The following DYM variants were observed in gnomAD, a reference collection of about 807,000 sequenced individuals.
The protein encoded by DYM is dymeclin.
A neutral mutation model predicts 93.1 loss-of-function variants in DYM; 78 were observed. That is an observed-to-expected ratio of 0.84 (90% confidence interval 0.70 to 1.01). The LOEUF (loss-of-function observed/expected upper bound fraction) is 1.01. DYM is among the 50% of genes least tolerant of loss of function. The pLI, the probability that DYM is intolerant of heterozygous loss-of-function variation, is 0.00. For synonymous variants in DYM, 321 were observed against 319.7 expected (o/e 1.00, Z -0.04); for missense variants, 789 against 845.0 (o/e 0.93, Z 0.82).
intron 8 of DYM, among the ~76,000 whole-genome samples, chr18:49,316,585 C>T (rs1166395909): frequency 6.6e-6 from 1 of 152,044 alleles, no homozygotes; most frequent in African/African-American, 2.4e-5. Flanking sequence ...ATAAAAACAA[C>T]GTTTACTGAA....
At chr18:49,301,629 G>A (rs986418440) in intron 8 of DYM, among the ~76,000 whole-genome samples, 43 of 151,846 alleles carry the variant, frequency 2.8e-4, no homozygotes, top group African/African-American at 9.4e-4. Flanking sequence ...TGATCTGAAA[G>A]TATTTATGAA....
intron 10 of DYM, among the ~76,000 whole-genome samples, chr18:49,281,493 C>T (rs865782626): frequency 6.6e-6 from 1 of 152,316 alleles, no homozygotes; most frequent in African/African-American, 2.4e-5. Flanking sequence ...GCTATAAAGA[C>T]ACATGCACAC....
In DYM at chr18:49,073,463, A is replaced by C. The variant is rs114050657; in HGVS notation, c.2025+23939T>G. Among the ~76,000 whole-genome samples the C allele has an allele frequency of 4.3e-3, 642 of 149,792 alleles. 3 individuals are homozygous for C. The highest frequency in any genetic ancestry group is 0.014 in the African/African-American group (584 of 40,574). On this transcript the variant is annotated intron_variant, in intron 17 of 17. Coordinates refer to ENST00000675505, the MANE Select transcript of DYM (RefSeq NM_001353214.3). ...CCACCTCCCCCCACCCCCATAAAAT[A>C]GTCAAATGAACACTTGAAGGCAAGA...
At chr18:49,114,932 T>C (rs1213029089) in intron 16 of DYM, among the ~76,000 whole-genome samples, 1 of 152,234 alleles carries the variant, frequency 6.6e-6, no homozygotes, top group Non-Finnish European at 1.5e-5. Context: ...GATGGTTTCA[T>C]AGGCAACTGT....
chr18:49,164,583 AGAGAG>A (rs2087626939), intron 14 of DYM, among the ~76,000 whole-genome samples: 1 of 152,232 alleles, frequency 6.6e-6, no homozygotes, highest in African/African-American at 2.4e-5. Flanking sequence ...GTGGAATACT[AGAGAG>A]GAGAGAATTT....
intron 1 of DYM, among the ~76,000 whole-genome samples, chr18:49,440,408 A>G (rs1484590445): frequency 8.4e-6 from 1 of 119,054 alleles, no homozygotes; most frequent in Non-Finnish European, 1.6e-5. Context: ...AGCATATTAT[A>G]TATGCTATAT....
intron 17 of DYM, among the ~76,000 whole-genome samples, chr18:49,080,280 C>A (rs201874838): frequency 8.7e-6 from 1 of 115,496 alleles, no homozygotes; most frequent in East Asian, 2.9e-4. Context: ...CCAGTAGGGG[C>A]GGCGGGGCAG....
intron 8 of DYM, among the ~76,000 whole-genome samples, chr18:49,301,934 T>A (rs1339312520): frequency 6.6e-6 from 1 of 152,164 alleles, no homozygotes; most frequent in East Asian, 1.9e-4. Flanking sequence ...TCCTTCCTTC[T>A]CTCTCACAAA....
At chr18:49,075,740 T>C (rs1443604037) in intron 17 of DYM, among the ~76,000 whole-genome samples, 1 of 152,150 alleles carries the variant, frequency 6.6e-6, no homozygotes, top group Admixed American at 6.5e-5. Context: ...AAACAAGGAA[T>C]GGCAGTTTAA....
intron 15 of DYM, among the ~76,000 whole-genome samples, chr18:49,151,931 T>C (rs1276167541): frequency 6.6e-6 from 1 of 152,200 alleles, no homozygotes; most frequent in East Asian, 1.9e-4. Flanking sequence ...GGTGTTTTTA[T>C]ATTAGCTCTA....
At chr18:49,155,654 C>T (rs144167023) in intron 15 of DYM, among the ~76,000 whole-genome samples, 1 of 152,346 alleles carries the variant, frequency 6.6e-6, no homozygotes, top group East Asian at 1.9e-4. Flanking sequence ...TTGTTACTGG[C>T]TCCTTTCACT....
intron 13 of DYM, among the ~76,000 whole-genome samples, chr18:49,242,511 A>G (rs2094042490): frequency 6.6e-6 from 1 of 152,222 alleles, no homozygotes; most frequent in Admixed American, 6.5e-5. Context: ...CCTGAGTAAG[A>G]AAACAAATTA....
Position 49,258,443 on chromosome 18 carries a change from G to T in DYM, c.1302C>A (p.Ser434=). 2 of 1,613,606 alleles carry T rather than the reference G, an allele frequency of 1.2e-6. No individual in the cohort carries two copies. The highest frequency in any genetic ancestry group is 1.7e-6 in the Non-Finnish European group (2 of 1,179,614). ...WYSERVLTEI[S]LGSLLILVVI... is the part of the protein sequence containing the mutation. The stretch of plus-strand genomic sequence containing the variant: ...CCACCAGGATCAGGAGACTCCCCAA[G>T]GAGATTTCAGTTAAAACTCGTTCTG... Residue 434 remains serine, a synonymous_variant, in exon 12 of 18, where the codon TCC becomes TCA. Coordinates refer to ENST00000675505, the MANE Select transcript of DYM (RefSeq NM_001353214.3).
At chr18:49,239,028 C>G (rs1325384199) in intron 13 of DYM, among the ~76,000 whole-genome samples, 1 of 152,168 alleles carries the variant, frequency 6.6e-6, no homozygotes, top group Non-Finnish European at 1.5e-5. Context: ...TTTTCTCAGA[C>G]TAAAGACAAG....
chr18:49,167,289 G>C (rs1363796155), intron 14 of DYM, among the ~76,000 whole-genome samples: 1 of 151,972 alleles, frequency 6.6e-6, no homozygotes, highest in Non-Finnish European at 1.5e-5. Flanking sequence ...GAGATATTTT[G>C]GTTGAGCATA....
At chr18:49,235,644 G>C (rs1903019923) in intron 13 of DYM, among the ~76,000 whole-genome samples, 1 of 151,850 alleles carries the variant, frequency 6.6e-6, no homozygotes, top group South Asian at 2.1e-4. Flanking sequence ...TCAGTGTCTA[G>C]ACCAGTCAGG....
intron 14 of DYM, chr18:49,206,016 T>TTTTTTTTTTTCGGAG (rs2092479156): frequency 4.8e-6 from 1 of 206,742 alleles, no homozygotes; most frequent in Non-Finnish European, 9.5e-6. Context: ...TTTTTGTTTT[T>TTTTTTTTTTTCGGAG]TGCGGAGTCT....
Position 49,390,108 on chromosome 18 carries a change from A to G in DYM, c.193+1485T>C, listed in dbSNP as rs894791553. ...ACAATAACACCTTTTCATTATCAACATAGTTTGTTTTTAAAAACAAAAATA... is the reference window on the plus strand; with the variant it reads ...ACAATAACACCTTTTCATTATCAACGTAGTTTGTTTTTAAAAACAAAAATA... On this transcript the variant is annotated intron_variant, in intron 3 of 17. Transcript: ENST00000675505. 1.3e-4 allele frequency among the ~76,000 whole-genome samples: 20 copies of G among 152,318 alleles called. 1 individual carries two copies. The highest frequency in any genetic ancestry group is 8.3e-4 in the South Asian group (4 of 4,832).
At chr18:49,337,434 C>T (rs1035436798) in intron 6 of DYM, among the ~76,000 whole-genome samples, 3 of 152,116 alleles carry the variant, frequency 2.0e-5, no homozygotes, top group Non-Finnish European at 4.4e-5. Context: ...TAAAAATGGT[C>T]TTTGTCAAAA....
Sources: allele counts gnomAD v4.1 joint callset (sites outside exome capture counted in the v4.1 genomes callset), GRCh38; gene constraint gnomAD v4.1.1; transcripts MANE v1.5; gene names NCBI Gene and HGNC (gene_info 2026-07-23, HGNC 2026-07-21).